PEBP4: variants seen among roughly 807,000 people sequenced by gnomAD.
PEBP4 encodes phosphatidylethanolamine binding protein 4.
In PEBP4, 22 loss-of-function variants were observed where a neutral mutation model predicts 23.9. The ratio of observed to expected loss-of-function variants is 0.92; its 90% confidence interval spans 0.66 to 1.31. PEBP4 has a LOEUF of 1.31. Ranked by LOEUF, PEBP4 falls within the 40% of genes most tolerant of loss-of-function variation. The pLI, the probability that PEBP4 is intolerant of heterozygous loss-of-function variation, is 0.00. For synonymous variants in PEBP4, 112 were observed against 99.3 expected, an observed-to-expected ratio of 1.13 and a Z score of -0.76; for missense variants, 324 against 281.7, an observed-to-expected ratio of 1.15 and a Z score of -1.07.
At chr8:22,721,303 G>C (rs1474305182) in intron 6 of PEBP4, among the ~76,000 whole-genome samples, 7 of 152,116 alleles carry the variant, frequency 4.6e-5, no homozygotes, top group Admixed American at 4.6e-4. Flanking sequence ...TGAGACCCAG[G>C]GAGGGGAGGT....
chr8:22,743,800 T>C (rs995467386), intron 4 of PEBP4, among the ~76,000 whole-genome samples: 5 of 152,250 alleles, frequency 3.3e-5, no homozygotes, highest in Non-Finnish European at 5.9e-5. Flanking sequence ...GCCCAGGTAC[T>C]GATAGGAGCT....
Position 22,794,661 on chromosome 8 carries a change from AT to A in PEBP4, c.357+22975del, listed in dbSNP as rs1427112589. ...CAATAATCCTCACCGTATATTGCAC[AT>A]TTTTTTCAATGTGCTGCTTGCTTCT... On this transcript the variant is annotated intron_variant, in intron 4 of 6. Coordinates refer to ENST00000256404, the MANE Select transcript of PEBP4 (RefSeq NM_144962.3). Among the ~76,000 whole-genome samples the A allele has an allele frequency of 3.3e-5, 5 of 152,104 alleles. 1 individual carries two copies. In the South Asian group the frequency reaches 1.0e-3, roughly 32 times the overall value.
intron 6 of PEBP4, among the ~76,000 whole-genome samples, chr8:22,722,801 T>C (rs1386060074): frequency 2.0e-5 from 3 of 149,688 alleles, no homozygotes; most frequent in Non-Finnish European, 4.5e-5. Context: ...TGAGACGGAG[T>C]CTCTCTCTGT....
intron 3 of PEBP4, among the ~76,000 whole-genome samples, chr8:22,898,292 T>G (rs1808630531): frequency 6.7e-6 from 1 of 148,618 alleles, no homozygotes; most frequent in Non-Finnish European, 1.5e-5. Context: ...CTTGCAAGGC[T>G]GAGGTGGGAG....
At chr8:22,906,211 T>C (rs970195825) in intron 3 of PEBP4, among the ~76,000 whole-genome samples, 1 of 151,958 alleles carries the variant, frequency 6.6e-6, no homozygotes, top group African/African-American at 2.4e-5. Flanking sequence ...ACAGAGGGTG[T>C]TACCTTAAGA....
At chr8:22,929,225 C>T (rs536822343), upstream of PEBP4, among the ~76,000 whole-genome samples, 1 of 152,342 alleles carries the variant, frequency 6.6e-6, no homozygotes, top group African/African-American at 2.4e-5. Flanking sequence ...TCCTTTGCAA[C>T]CCACTTCACT....
chr8:22,775,348 C>T lies in PEBP4; in HGVS notation c.357+42289G>A, dbSNP rs1477279565. ...CAGGGCCCGTCTGCCAGGGAGAAGC[C>T]TCCGGGTGGTCTCTGCTGGGTGGGC... On this transcript the variant is annotated intron_variant, in intron 4 of 6. Coordinates refer to ENST00000256404, the MANE Select transcript of PEBP4 (RefSeq NM_144962.3). This position sits in a 1 kb window ranked among gnomAD's most constrained non-coding sequence, Gnocchi z 4.8. Among the ~76,000 whole-genome samples the T allele has an allele frequency of 6.6e-6, 1 of 152,242 alleles. No individual in the cohort carries two copies. Among genetic ancestry groups the T allele is most frequent in the Non-Finnish European group, 1.5e-5 (1 of 68,048 alleles).
At chr8:22,899,710 T>C (rs1808673368) in intron 3 of PEBP4, among the ~76,000 whole-genome samples, 1 of 152,178 alleles carries the variant, frequency 6.6e-6, no homozygotes, top group South Asian at 2.1e-4. Context: ...AGGCATCTCA[T>C]CTGCTCAATG....
At chr8:22,744,399 T>C (rs1452667359) in intron 4 of PEBP4, among the ~76,000 whole-genome samples, 1 of 152,176 alleles carries the variant, frequency 6.6e-6, no homozygotes, top group African/African-American at 2.4e-5. Flanking sequence ...CAGGCCACCA[T>C]GACAGGGTCT....
At chr8:22,722,749 G>A (rs989292189) in intron 6 of PEBP4, among the ~76,000 whole-genome samples, 2 of 150,024 alleles carry the variant, frequency 1.3e-5, no homozygotes, top group African/African-American at 2.5e-5. Context: ...ACCTTGGCTG[G>A]GGCTTTCATC....
intron 3 of PEBP4, among the ~76,000 whole-genome samples, chr8:22,862,994 G>A (rs1195237192): frequency 6.6e-6 from 1 of 151,954 alleles, no homozygotes; most frequent in African/African-American, 2.4e-5. Context: ...GTAGAGATGG[G>A]TTTCACCATG....
At chr8:22,821,369 G>T (rs1563227588) in intron 3 of PEBP4, among the ~76,000 whole-genome samples, 1 of 152,314 alleles carries the variant, frequency 6.6e-6, no homozygotes, top group East Asian at 1.9e-4. Context: ...GTGTACTGCA[G>T]AACTCACAGC....
chr8:22,858,948 AAAAACAACAATAAC>A (rs1807711117), intron 3 of PEBP4, among the ~76,000 whole-genome samples: 1 of 152,206 alleles, frequency 6.6e-6, no homozygotes, highest in Non-Finnish European at 1.5e-5. Context: ...CCCTGTCTCA[AAAAACAACAATAAC>A]AAAACAGAAC....
At chr8:22,889,868 G>T (rs182510894) in intron 3 of PEBP4, among the ~76,000 whole-genome samples, 2 of 152,258 alleles carry the variant, frequency 1.3e-5, no homozygotes, top group East Asian at 3.9e-4. Flanking sequence ...GCTCGGTGGC[G>T]ATCTATCATT....
At chr8:22,725,738 C>T (rs1356207582) in intron 5 of PEBP4, among the ~76,000 whole-genome samples, 1 of 152,024 alleles carries the variant, frequency 6.6e-6, no homozygotes, top group Non-Finnish European at 1.5e-5. Context: ...GAGAGCCAGG[C>T]TGGAGCCAAG....
intron 3 of PEBP4, among the ~76,000 whole-genome samples, chr8:22,908,393 C>CAA (rs11356446): frequency 3.7e-4 from 53 of 141,870 alleles, no homozygotes; most frequent in Middle Eastern, 3.5e-3. Flanking sequence ...AACAAACAAA[C>CAA]AAAAAAAAAA....
At chr8:22,847,868 T>G (rs1051234740) in intron 3 of PEBP4, among the ~76,000 whole-genome samples, 1 of 152,120 alleles carries the variant, frequency 6.6e-6, no homozygotes, top group Non-Finnish European at 1.5e-5. Flanking sequence ...TTCGAGAGAA[T>G]GCTCAGAACC....
chr8:22,808,674 G>A (rs1473487026), intron 4 of PEBP4, among the ~76,000 whole-genome samples: 1 of 152,188 alleles, frequency 6.6e-6, no homozygotes, highest in Non-Finnish European at 1.5e-5. Context: ...CGGAGATGAG[G>A]AGGGTGCTCC....
At chr8:22,731,637 TTATTTATC>T (rs749481374) in intron 4 of PEBP4, among the ~76,000 whole-genome samples, 2,834 of 130,794 alleles carry the variant, frequency 0.022, 37 homozygotes, top group African/African-American at 0.037. Context: ...ATTTATTTAT[TTATTTATC>T]TATCTATCTA....
Sources: gnomAD v4.1 joint callset for allele counts (sites outside exome capture counted in the v4.1 genomes callset) on GRCh38, gnomAD v4.1.1 for gene constraint, Gnocchi (gnomAD v3.1) non-coding constraint, MANE v1.5 for transcripts, NCBI Gene and HGNC (gene_info 2026-07-23, HGNC 2026-07-21) for gene names.